RANBP2: variants seen among roughly 807,000 people sequenced by gnomAD.
RANBP2 encodes RAN binding protein 2.
Under a neutral mutation model 303.6 loss-of-function variants are expected in RANBP2, and 57 were observed. That is an observed-to-expected ratio of 0.19 (90% CI 0.15 to 0.23). The LOEUF is 0.23. Ranked by LOEUF, RANBP2 falls within the 10% of genes least tolerant of loss-of-function variation. The probability of loss-of-function intolerance (pLI) is 1.00; values close to 1 mark genes in which losing one functional copy is unlikely to be tolerated. For missense variants in RANBP2, 3,138 were observed against 3,780.8 expected (o/e 0.83, Z 4.46); for synonymous variants, 1,167 against 1,301.5 (o/e 0.90, Z 2.23).
chr2:108,905,951 G>A, the RANBP2 span, among the ~76,000 whole-genome samples: 1 of 152,126 alleles, frequency 6.6e-6, no homozygotes, highest in Non-Finnish European at 1.5e-5. Context: ...GACTGATCAC[G>A]TTTCCCAGAT....
chr2:109,199,587 T>TCATCC, the RANBP2 span, among the ~76,000 whole-genome samples: 4 of 970 alleles, frequency 4.1e-3, no homozygotes, highest in Admixed American at 0.013. Context: ...TGGAATGGAA[T>TCATCC]GGAATGGAAT....
the RANBP2 span, chr2:109,128,965 TCCGCGCGCACCC>T: frequency 7.1e-6 from 3 of 419,912 alleles, no homozygotes; most frequent in Non-Finnish European, 1.4e-5. Context: ...GACCGTGACC[TCCGCGCGCACCC>T]CCGCGCACGT....
chr2:108,906,231 A>G, the RANBP2 span: 1 of 1,503,618 alleles, frequency 6.7e-7, no homozygotes, highest in Non-Finnish European at 9.3e-7. Context: ...CCCTCACAGG[A>G]GCCTCAGGGC....
At chr2:108,776,480 G>A (rs1192277816) in intron 24 of RANBP2, among the ~76,000 whole-genome samples, 1 of 152,086 alleles carries the variant, frequency 6.6e-6, no homozygotes, top group Non-Finnish European at 1.5e-5. Context: ...AGTTTAAGTT[G>A]TATTGCTTTG....
chr2:109,033,977 G>C, the RANBP2 span, among the ~76,000 whole-genome samples: 1 of 144,712 alleles, frequency 6.9e-6, no homozygotes, highest in African/African-American at 2.6e-5. Context: ...AAAAGGTAAG[G>C]TTCAGCCAGG....
the RANBP2 span, among the ~76,000 whole-genome samples, chr2:109,338,276 G>C: frequency 1.3e-5 from 2 of 152,112 alleles, no homozygotes; most frequent in Non-Finnish European, 2.9e-5. Context: ...TGTTTTGCAG[G>C]TACGGAAACT....
At chr2:109,304,567 T>C in the RANBP2 span, among the ~76,000 whole-genome samples, 5 of 152,344 alleles carry the variant, frequency 3.3e-5, no homozygotes, top group Non-Finnish European at 5.9e-5. Context: ...TTAACTCCGC[T>C]GCACCCGTCG....
At chr2:109,524,623 G>A in the RANBP2 span, among the ~76,000 whole-genome samples, 1 of 151,946 alleles carries the variant, frequency 6.6e-6, no homozygotes, top group African/African-American at 2.4e-5. Flanking sequence ...CAGGCGTGGT[G>A]GAGCATGCCT....
chr2:109,615,370 T>C, the RANBP2 span: 1 of 1,612,974 alleles, frequency 6.2e-7, no homozygotes, highest in Non-Finnish European at 8.5e-7. Flanking sequence ...CCCGGCCTGC[T>C]GGTCAAGCGG....
the RANBP2 span, among the ~76,000 whole-genome samples, chr2:109,304,464 G>A: frequency 1.1e-4 from 16 of 152,160 alleles, no homozygotes; most frequent in South Asian, 4.2e-4. Flanking sequence ...TCTGCTAGGG[G>A]TTCCTTGTTC....
chr2:108,750,486 A>G (rs1301173236), intron 9 of RANBP2, among the ~76,000 whole-genome samples: 2 of 152,258 alleles, frequency 1.3e-5, no homozygotes. Flanking sequence ...GGCCATGAAC[A>G]TCTTTAAGTC....
the RANBP2 span, among the ~76,000 whole-genome samples, chr2:109,525,756 T>G: frequency 6.6e-6 from 1 of 152,156 alleles, no homozygotes; most frequent in African/African-American, 2.4e-5. Flanking sequence ...AAAAGCAGCC[T>G]CCTCCCTAAA....
chr2:109,089,644 T>G, the RANBP2 span, among the ~76,000 whole-genome samples: 1 of 152,098 alleles, frequency 6.6e-6, no homozygotes, highest in South Asian at 2.1e-4. Flanking sequence ...TGGGGACATG[T>G]GTTGGAAAGC....
At chr2:108,823,586 T>C in the RANBP2 span, among the ~76,000 whole-genome samples, 623 of 152,360 alleles carry the variant, frequency 4.1e-3, 7 homozygotes, top group African/African-American at 0.015. Context: ...TGTACAGCAT[T>C]TGCTATGCAG....
the RANBP2 span, among the ~76,000 whole-genome samples, chr2:109,739,975 TA>T: frequency 5.3e-5 from 8 of 149,552 alleles, no homozygotes; most frequent in Admixed American, 4.0e-4. Flanking sequence ...ACATGGGGCA[TA>T]ACATTTTCTT....
chr2:109,591,079 A>G, the RANBP2 span, among the ~76,000 whole-genome samples: 1 of 152,240 alleles, frequency 6.6e-6, no homozygotes, highest in Non-Finnish European at 1.5e-5. Context: ...ACAGAAAACT[A>G]GTACACTATA....
chr2:109,240,780 C>A, the RANBP2 span, among the ~76,000 whole-genome samples: 2 of 152,050 alleles, frequency 1.3e-5, no homozygotes, highest in South Asian at 4.1e-4. Flanking sequence ...CTTCTCCTCT[C>A]TAGACCCTGA....
rs1678473826 is a variant in RANBP2 at position 108,784,532 on chromosome 2, T to C, written c.*631T>C. 6.6e-6 allele frequency: 1 copy of C among 152,670 alleles called. No individual in the cohort carries two copies. Among genetic ancestry groups the C allele is most frequent in the South Asian group, 2.1e-4 (1 of 4,830 alleles). The allele number at this position is 152,670 out of a possible 1,614,324, so 9.5% of individuals were successfully genotyped here. A position where few individuals can be genotyped will look rare whatever the true frequency, so the allele number is the denominator to read the frequency against. On this transcript the variant is annotated 3_prime_UTR_variant, in exon 29 of 29. Transcript: ENST00000283195. ...CCTTTCATAGATATTCGATTAATTT[T>C]TACATTTTAAACAAGTTGACTATTT...
At chr2:109,015,118 C>G in the RANBP2 span, among the ~76,000 whole-genome samples, 1 of 68,810 alleles carries the variant, frequency 1.5e-5, no homozygotes, top group South Asian at 7.6e-4. Context: ...GACTCCATCT[C>G]AAAAAAAAAA....
Sources: gnomAD v4.1 joint callset for allele counts (sites outside exome capture counted in the v4.1 genomes callset) on GRCh38, gnomAD v4.1.1 for gene constraint, MANE v1.5 for transcripts, NCBI Gene and HGNC (gene_info 2026-07-23, HGNC 2026-07-21) for gene names.